Variants in RBMS3 observed in about 807,000 individuals in gnomAD.
RBMS3 encodes RNA binding motif single stranded interacting protein 3, also known as RNA-binding motif, single-stranded-interacting protein 3.
A neutral mutation model predicts 66.8 loss-of-function variants in RBMS3; 27 were observed. The ratio of observed to expected loss-of-function variants is 0.40; its 90% CI spans 0.30 to 0.56. The LOEUF (loss-of-function observed/expected upper bound fraction) is 0.56. Ranked by LOEUF, RBMS3 falls within the 20% of genes least tolerant of loss-of-function variation. The pLI is 0.40. For missense variants in RBMS3, 513 were observed against 549.5 expected, an observed-to-expected ratio of 0.93 and a Z score of 0.66; for synonymous variants, 188 against 183.0, an observed-to-expected ratio of 1.03 and a Z score of -0.22.
chr3:29,626,739 G>C (rs1490623597), intron 4 of RBMS3, among the ~76,000 whole-genome samples: 2 of 152,118 alleles, frequency 1.3e-5, no homozygotes, highest in Non-Finnish European at 2.9e-5. Flanking sequence ...ATATTACAAA[G>C]TGTAATATAG....
intron 3 of RBMS3, among the ~76,000 whole-genome samples, chr3:29,581,290 CATT>C (rs1259470491): frequency 6.6e-6 from 1 of 152,136 alleles, no homozygotes; most frequent in Non-Finnish European, 1.5e-5. Flanking sequence ...GCTGTTATTT[CATT>C]ATCTTCTGTG....
chr3:29,598,208 T>C (rs531149000), intron 4 of RBMS3, among the ~76,000 whole-genome samples: 5 of 152,248 alleles, frequency 3.3e-5, no homozygotes, highest in African/African-American at 1.2e-4. Context: ...TTAAGTTTAT[T>C]GGATACCAGA....
chr3:29,440,067 A>G lies in RBMS3; in HGVS notation c.248+5152A>G, dbSNP rs75067776. Among the ~76,000 whole-genome samples, 1,402 of 152,246 alleles carry G rather than the reference A, an allele frequency of 9.2e-3. 23 individuals carry two copies. Among genetic ancestry groups the G allele is most frequent in the African/African-American group, 0.032 (1,327 of 41,530 alleles). ...TGTAGTGTAATGATTTTTTACATAT[A>G]AGTTATATTTTGTCCTTCCAAGAAA... On this transcript the variant is annotated intron_variant, in intron 2 of 14. Coordinates refer to ENST00000383767, the MANE Select transcript of RBMS3 (RefSeq NM_001003793.3).
At chr3:29,495,356 ACTTTT>A (rs2043702916) in intron 3 of RBMS3, among the ~76,000 whole-genome samples, 4 of 150,596 alleles carry the variant, frequency 2.7e-5, no homozygotes, top group Admixed American at 2.7e-4. Context: ...ATTTTATTTT[ACTTTT>A]CTTGTTTATG....
At chr3:29,850,916 T>C (rs1350601521) in intron 6 of RBMS3, among the ~76,000 whole-genome samples, 3 of 152,202 alleles carry the variant, frequency 2.0e-5, no homozygotes, top group South Asian at 4.1e-4. Flanking sequence ...TCCCCCTTTT[T>C]CATTCATTGC....
At chr3:29,341,933 A>G (rs1428655125) in intron 1 of RBMS3, among the ~76,000 whole-genome samples, 1 of 152,134 alleles carries the variant, frequency 6.6e-6, no homozygotes, top group East Asian at 1.9e-4. Flanking sequence ...ATTTAATTGG[A>G]TTAAAACTGA....
intron 3 of RBMS3, among the ~76,000 whole-genome samples, chr3:29,569,627 T>C (rs928983316): frequency 6.6e-6 from 1 of 152,150 alleles, no homozygotes; most frequent in Non-Finnish European, 1.5e-5. Flanking sequence ...CAATCCCTTG[T>C]ATTTCAAGAG....
chr3:29,710,275 CTAAATT>C (rs1426404583), intron 4 of RBMS3, among the ~76,000 whole-genome samples: 1 of 152,046 alleles, frequency 6.6e-6, no homozygotes, highest in Non-Finnish European at 1.5e-5. Context: ...ATTAAGAATG[CTAAATT>C]TAAATATTCT....
intron 1 of RBMS3, among the ~76,000 whole-genome samples, chr3:29,334,852 A>G (rs949409900): frequency 6.6e-6 from 1 of 152,198 alleles, no homozygotes; most frequent in Admixed American, 6.5e-5. Flanking sequence ...AAGCTGTCAG[A>G]CAGATTGAGT....
chr3:29,542,686 G>A (rs1002220841), intron 3 of RBMS3, among the ~76,000 whole-genome samples: 6 of 152,058 alleles, frequency 3.9e-5, no homozygotes, highest in Non-Finnish European at 8.8e-5. Context: ...AATGGAAAGG[G>A]ATGTGACAGT....
chr3:29,642,064 G>A (rs1178599174), intron 4 of RBMS3, among the ~76,000 whole-genome samples: 1 of 152,058 alleles, frequency 6.6e-6, no homozygotes, highest in Admixed American at 6.6e-5. Flanking sequence ...AGCAATAACT[G>A]CTTTCACTTA....
intron 2 of RBMS3, among the ~76,000 whole-genome samples, chr3:29,487,475 T>G (rs79351793): frequency 0.091 from 13,901 of 152,198 alleles, 831 homozygotes; most frequent in African/African-American, 0.17. Flanking sequence ...CTCAGTGGAA[T>G]TTTTTGACAG....
chr3:29,740,247 A>G (rs1346795250), intron 5 of RBMS3, among the ~76,000 whole-genome samples: 2 of 152,182 alleles, frequency 1.3e-5, no homozygotes, highest in African/African-American at 4.8e-5. Flanking sequence ...TGGTGAACAA[A>G]GCATCTAAGT....
chr3:29,380,001 T>G (rs2125621359), intron 1 of RBMS3, among the ~76,000 whole-genome samples: 1 of 152,240 alleles, frequency 6.6e-6, no homozygotes, highest in East Asian at 1.9e-4. Flanking sequence ...AGAATGAATT[T>G]GCTTTGCAGA....
intron 4 of RBMS3, among the ~76,000 whole-genome samples, chr3:29,709,902 TAAAG>T (rs1455858355): frequency 6.6e-6 from 1 of 152,134 alleles, no homozygotes; most frequent in African/African-American, 2.4e-5. Flanking sequence ...TTATCAGTCA[TAAAG>T]AATATTAAAA....
At chr3:29,720,947 C>A (rs1347037597) in intron 4 of RBMS3, among the ~76,000 whole-genome samples, 3 of 152,026 alleles carry the variant, frequency 2.0e-5, no homozygotes, top group Non-Finnish European at 2.9e-5. Flanking sequence ...AGCTGTTACC[C>A]TGGCAAGCTA....
intron 11 of RBMS3, 144 bp downstream of exon 11, chr3:29,936,340 G>T: frequency 2.6e-6 from 2 of 779,712 alleles, no homozygotes; most frequent in Non-Finnish European, 2.1e-6. Context: ...TGAATAAGCT[G>T]CATTCTGCAT....
intron 3 of RBMS3, among the ~76,000 whole-genome samples, chr3:29,546,871 A>G (rs983481770): frequency 6.6e-6 from 1 of 152,224 alleles, no homozygotes; most frequent in Non-Finnish European, 1.5e-5. Flanking sequence ...ACACCTGTAG[A>G]CATGGAATCT....
At chr3:29,343,887 A>G (rs1575582478) in intron 1 of RBMS3, among the ~76,000 whole-genome samples, 1 of 152,224 alleles carries the variant, frequency 6.6e-6, no homozygotes, top group African/African-American at 2.4e-5. Flanking sequence ...GCACACTGGT[A>G]GTTTGCCTCC....
Sources: allele counts gnomAD v4.1 joint callset (sites outside exome capture counted in the v4.1 genomes callset), GRCh38; gene constraint gnomAD v4.1.1; transcripts MANE v1.5; gene names NCBI Gene and HGNC (gene_info 2026-07-23, HGNC 2026-07-21).